EPB41L3: variants seen among roughly 807,000 people sequenced by gnomAD.
EPB41L3 encodes erythrocyte membrane protein band 4.1 like 3.
A neutral mutation model predicts 127.1 loss-of-function variants in EPB41L3; 57 were observed. That is an observed-to-expected ratio of 0.45 (90% CI 0.36 to 0.56). The LOEUF (loss-of-function observed/expected upper bound fraction) is 0.56. EPB41L3 is among the 20% of genes least tolerant of loss of function. EPB41L3 has a pLI of 0.00. For synonymous variants in EPB41L3, 572 were observed against 549.5 expected (o/e 1.04, Z -0.57); for missense variants, 1,273 against 1,372.2 (o/e 0.93, Z 1.14).
chr18:5,488,025 T>C (rs1332178969), intron 2 of EPB41L3, among the ~76,000 whole-genome samples: 1 of 152,172 alleles, frequency 6.6e-6, no homozygotes, highest in Non-Finnish European at 1.5e-5. Context: ...CTAAAACATT[T>C]TGATTCCAAG....
At position 5,478,448 on chromosome 18, in the gene EPB41L3, G is replaced by A; in HGVS notation, c.184-10C>T. 1 of 1,613,446 alleles carries A rather than the reference G, an allele frequency of 6.2e-7. No individual in the cohort carries two copies. Among genetic ancestry groups the A allele is most frequent in the Non-Finnish European group, 8.5e-7 (1 of 1,179,574 alleles). ...GTTCCTTGTCAGTGACCTGTGAAGA[G>A]CAAACAATCAACAGTTTTCATTGCA... On this transcript the variant is annotated splice_polypyrimidine_tract_variant and intron_variant, in intron 2 of 22. Coordinates refer to ENST00000341928, the MANE Select transcript of EPB41L3 (RefSeq NM_012307.5).
chr18:5,549,813 G>A (rs748851406), intron 3 of EPB41L3, among the ~76,000 whole-genome samples: 7 of 152,132 alleles, frequency 4.6e-5, no homozygotes, highest in Non-Finnish European at 7.3e-5. Flanking sequence ...GACAAAGTGC[G>A]TTCAGATAGA....
chr18:5,480,563 C>T (rs2088253383), intron 2 of EPB41L3, among the ~76,000 whole-genome samples: 2 of 152,180 alleles, frequency 1.3e-5, no homozygotes, highest in Non-Finnish European at 2.9e-5. Flanking sequence ...CCAAAATCAG[C>T]TTCATTTTAC....
At chr18:5,531,999 G>A (rs1278472362) in intron 1 of EPB41L3, among the ~76,000 whole-genome samples, 1 of 152,176 alleles carries the variant, frequency 6.6e-6, no homozygotes, top group Non-Finnish European at 1.5e-5. Context: ...CTGTTTAGCA[G>A]TTAACTAGGG....
chr18:5,539,341 T>C (rs1184775605), intron 1 of EPB41L3, among the ~76,000 whole-genome samples: 1 of 152,162 alleles, frequency 6.6e-6, no homozygotes, highest in Admixed American at 6.5e-5. Flanking sequence ...AAAATTAAGT[T>C]GTCAGCTTTT....
intron 1 of EPB41L3, among the ~76,000 whole-genome samples, chr18:5,536,001 C>G (rs1355220812): frequency 6.6e-6 from 1 of 152,124 alleles, no homozygotes; most frequent in African/African-American, 2.4e-5. Flanking sequence ...GAGTCTAGTT[C>G]AGGTCCAGAC....
At chr18:5,430,168 G>T (rs2145631229) in intron 8 of EPB41L3, among the ~76,000 whole-genome samples, 1 of 152,290 alleles carries the variant, frequency 6.6e-6, no homozygotes, top group East Asian at 1.9e-4. Context: ...GGAAGATGAA[G>T]AAGGCTCCGA....
intron 1 of EPB41L3, among the ~76,000 whole-genome samples, chr18:5,628,313 C>T (rs1363843876): frequency 6.6e-6 from 1 of 152,264 alleles, no homozygotes; most frequent in Non-Finnish European, 1.5e-5. Flanking sequence ...CATTTAGTGG[C>T]TTCCAGCCCT....
chr18:5,396,993 TA>T lies in EPB41L3; in HGVS notation c.2841+64del. ...ACTTAGCTCCACCTTTATGCTGATCTAAATTTCCAGGCATCCTATATCAGTT... is the reference window on the plus strand; with the variant it reads ...ACTTAGCTCCACCTTTATGCTGATCTAATTTCCAGGCATCCTATATCAGTT... On this transcript the variant is annotated intron_variant, in intron 18 of 22. Coordinates refer to ENST00000341928, the MANE Select transcript of EPB41L3 (RefSeq NM_012307.5). 2.0e-6 allele frequency: 3 copies of T among 1,495,032 alleles called. No homozygotes were observed. The South Asian group carries it at 4.0e-5, about 20-fold the overall frequency. The allele number at this position is 1,495,032 out of a possible 1,614,324, so 92.6% of individuals were successfully genotyped here. A position where few individuals can be genotyped will look rare whatever the true frequency, so the allele number is the denominator to read the frequency against.
At chr18:5,439,654 TGTCA>T (rs1248968510) in intron 5 of EPB41L3, among the ~76,000 whole-genome samples, 3 of 152,234 alleles carry the variant, frequency 2.0e-5, no homozygotes, top group Admixed American at 2.0e-4. Flanking sequence ...AAAATATATC[TGTCA>T]GTCAAACACA....
At chr18:5,612,089 C>CAA (rs535913117) in intron 3 of EPB41L3, among the ~76,000 whole-genome samples, 36 of 114,234 alleles carry the variant, frequency 3.2e-4, no homozygotes, top group African/African-American at 1.0e-3. Flanking sequence ...ACAATTAGGG[C>CAA]AAAAAAAAAA....
At chr18:5,533,788 G>A (rs2093483946) in intron 1 of EPB41L3, among the ~76,000 whole-genome samples, 1 of 152,146 alleles carries the variant, frequency 6.6e-6, no homozygotes, top group Non-Finnish European at 1.5e-5. Context: ...TAATAGATAA[G>A]AAAACTAACC....
At chr18:5,534,311 T>C (rs2093505079) in intron 1 of EPB41L3, among the ~76,000 whole-genome samples, 1 of 152,214 alleles carries the variant, frequency 6.6e-6, no homozygotes. Context: ...CATTTGACAA[T>C]AGTGAAGAAG....
At chr18:5,508,815 G>C (rs2092368915) in intron 1 of EPB41L3, among the ~76,000 whole-genome samples, 1 of 149,010 alleles carries the variant, frequency 6.7e-6, no homozygotes, top group South Asian at 2.1e-4. Context: ...CCAGCTATTT[G>C]ATGTGTCCAT....
At chr18:5,525,338 C>G (rs2093178688) in intron 1 of EPB41L3, among the ~76,000 whole-genome samples, 1 of 152,168 alleles carries the variant, frequency 6.6e-6, no homozygotes, top group South Asian at 2.1e-4. Context: ...GATTTTGAAA[C>G]AAACTCTACA....
At chr18:5,492,370 T>G (rs1346118517) in intron 1 of EPB41L3, among the ~76,000 whole-genome samples, 1 of 133,858 alleles carries the variant, frequency 7.5e-6, no homozygotes, top group East Asian at 2.3e-4. Context: ...ACTCGTTATT[T>G]TAATAAGCTT....
chr18:5,414,826 A>C (rs1359825141), intron 13 of EPB41L3, among the ~76,000 whole-genome samples: 1 of 152,186 alleles, frequency 6.6e-6, no homozygotes, highest in Non-Finnish European at 1.5e-5. Context: ...AAAGGAGAAC[A>C]ATTAACAGGA....
At chr18:5,524,106 G>C (rs1467875388) in intron 1 of EPB41L3, among the ~76,000 whole-genome samples, 3 of 151,990 alleles carry the variant, frequency 2.0e-5, no homozygotes, top group African/African-American at 7.3e-5. Flanking sequence ...TGAATAAATA[G>C]AGGCACAGAG....
chr18:5,447,047 C>G (rs1434587390), intron 3 of EPB41L3, among the ~76,000 whole-genome samples: 1 of 152,124 alleles, frequency 6.6e-6, no homozygotes, highest in Non-Finnish European at 1.5e-5. Context: ...AACAGAGGTT[C>G]AAAGCAGTTG....
Sources: allele counts gnomAD v4.1 joint callset (sites outside exome capture counted in the v4.1 genomes callset), GRCh38; gene constraint gnomAD v4.1.1; transcripts MANE v1.5; gene names NCBI Gene and HGNC (gene_info 2026-07-23, HGNC 2026-07-21).